CABIN1: variants seen among roughly 807,000 people sequenced by gnomAD.
The protein encoded by CABIN1 is calcineurin-binding protein cabin-1.
A neutral mutation model predicts 227.7 loss-of-function variants in CABIN1; 133 were observed. The ratio of observed to expected loss-of-function variants is 0.58; its 90% CI spans 0.51 to 0.67. The LOEUF (loss-of-function observed/expected upper bound fraction) is 0.67. CABIN1 is among the 30% of genes least tolerant of loss of function. The pLI is 0.00. For missense variants in CABIN1, 2,408 were observed against 2,852.5 expected (o/e 0.84, Z 3.55); for synonymous variants, 1,086 against 1,155.1 (o/e 0.94, Z 1.21).
At position 24,166,683 on chromosome 22, in the gene CABIN1, C is replaced by A; in HGVS notation, c.5052C>A (p.Ala1684=). 6.2e-7 allele frequency: 1 copy of A among 1,612,622 alleles called. No homozygotes were observed. The highest frequency in any genetic ancestry group is 8.5e-7 in the Non-Finnish European group (1 of 1,179,948). Residue 1684 remains alanine (A), a synonymous_variant, in exon 32 of 37, where the codon GCC becomes GCA. Coordinates refer to ENST00000263119, the MANE Select transcript of CABIN1 (RefSeq NM_012295.4). ...PGPKVCGLPG[A]RMTTDVSHKA... The stretch of plus-strand genomic sequence containing the variant: ...CCAAGGTCTGTGGCCTCCCCGGAGC[C>A]AGGATGACCACCGATGTCTCACACA...
At position 24,064,207 on chromosome 22, in the gene CABIN1, T is replaced by C. The variant is rs931601452; in HGVS notation, c.2037+20T>C. The C allele has an allele frequency of 2.5e-6, 4 of 1,612,278 alleles. No individual in the cohort carries two copies. The highest frequency in any genetic ancestry group is 2.7e-5 in the African/African-American group (2 of 74,856). ...GAGGAGGTAAGTGAGAATTTTCGTT[T>C]GTTTGTTTGTTTCCTGAGATGGAGT... On this transcript the variant is annotated intron_variant, in intron 15 of 36. Coordinates refer to ENST00000263119, the MANE Select transcript of CABIN1 (RefSeq NM_012295.4).
intron 28 of CABIN1, among the ~76,000 whole-genome samples, chr22:24,121,010 G>A (rs2043379175): frequency 6.6e-6 from 1 of 152,204 alleles, no homozygotes; most frequent in Admixed American, 6.5e-5. Context: ...CACCCAGACA[G>A]AGCAAGCAGC....
chr22:24,023,157 G>A (rs907925529), intron 1 of CABIN1, among the ~76,000 whole-genome samples: 6 of 152,038 alleles, frequency 3.9e-5, no homozygotes, highest in African/African-American at 1.4e-4. Flanking sequence ...TTGTACTTTT[G>A]TATATGGCCT....
At chr22:24,057,611 AT>A (rs2038897116) in intron 10 of CABIN1, among the ~76,000 whole-genome samples, 1 of 152,216 alleles carries the variant, frequency 6.6e-6, no homozygotes, top group Admixed American at 6.5e-5. Flanking sequence ...ATGACAGTTT[AT>A]TTCAGTGGTA....
At chr22:24,052,034 CCTT>C (rs2052915389) in intron 8 of CABIN1, among the ~76,000 whole-genome samples, 1 of 152,004 alleles carries the variant, frequency 6.6e-6, no homozygotes, top group Non-Finnish European at 1.5e-5. Context: ...GGATTAGAGT[CCTT>C]CTCCCATCTG....
rs761090353 is a variant in CABIN1 at position 24,067,146 on chromosome 22, A to G, written c.2197A>G (p.Ile733Val). Residue 733 changes from isoleucine (I) to valine (V), a missense_variant, in exon 16 of 37, where the codon ATT becomes GTT. Ile to Val is a conservative substitution (Grantham distance 29). Transcript: ENST00000263119. ...CAAACACCTGGAGTTTATGACTTCC[A>G]TTCCTGAGAGGCCAGCCCAGCTGCT... is the stretch of plus-strand genomic sequence containing the variant. ...RAKHLEFMTS[I>V]PERPAQLLLL... 2 of 1,614,250 alleles carry G rather than the reference A, an allele frequency of 1.2e-6. No individual in the cohort carries two copies. The highest frequency in any genetic ancestry group is 3.3e-5 in the Admixed American group (2 of 60,030).
chr22:24,111,138 C>G (rs1265397578), intron 26 of CABIN1, among the ~76,000 whole-genome samples: 1 of 152,140 alleles, frequency 6.6e-6, no homozygotes, highest in Non-Finnish European at 1.5e-5. Flanking sequence ...GGGGTTATTT[C>G]CTGATAAAAC....
intron 28 of CABIN1, among the ~76,000 whole-genome samples, chr22:24,123,712 A>G (rs1356957785): frequency 6.6e-6 from 1 of 152,238 alleles, no homozygotes; most frequent in East Asian, 1.9e-4. Context: ...GTCACTGACT[A>G]ATGTGGAACC....
Position 24,067,059 on chromosome 22 carries a change from G to T in CABIN1, c.2110G>T (p.Asp704Tyr). The T allele has an allele frequency of 6.2e-7, 1 of 1,614,200 alleles. No individual in the cohort carries two copies. Among genetic ancestry groups the T allele is most frequent in the Non-Finnish European group, 8.5e-7 (1 of 1,180,038 alleles). Residue 704 changes from aspartate (D) to tyrosine (Y), a missense_variant, in exon 16 of 37, where the codon GAC (aspartate) becomes TAC (tyrosine). By Grantham distance (160) the Asp-to-Tyr change is radical. Transcript: ENST00000263119. ...GATTCAGCGGCTGTATGAAGCAGGC[G>T]ACTACAAGGCTGTTGTGCATCTGCT... Reference protein sequence around the residue: ...EEIQRLYEAGDYKAVVHLLRP... With the variant: ...EEIQRLYEAGYYKAVVHLLRP...
chr22:24,085,269 G>GA, intron 22 of CABIN1, 118 bp downstream of exon 22: 1 of 1,107,090 alleles, frequency 9.0e-7, no homozygotes, highest in African/African-American at 1.5e-5. Flanking sequence ...AGAGACCAGG[G>GA]AAAACGGAAT....
intron 15 of CABIN1, among the ~76,000 whole-genome samples, chr22:24,066,695 G>A (rs993718038): frequency 2.0e-5 from 3 of 152,226 alleles, no homozygotes; most frequent in Admixed American, 6.5e-5. Context: ...AGGCTGTCCA[G>A]CTATCTTGGT....
intron 16 of CABIN1, among the ~76,000 whole-genome samples, chr22:24,067,554 A>T (rs1000596151): frequency 2.0e-5 from 3 of 152,232 alleles, no homozygotes; most frequent in Non-Finnish European, 4.4e-5. Context: ...AAATATCTGT[A>T]CAGTGGAAAG....
intron 12 of CABIN1, 91 bp downstream of exon 12, chr22:24,060,232 T>C (rs1227940858): frequency 1.6e-6 from 2 of 1,235,310 alleles, no homozygotes; most frequent in African/African-American, 3.0e-5. Context: ...CTGTTGTGTT[T>C]GGCTGCATCT....
rs780947205 is a variant in CABIN1, at chr22:24,059,924, A to G, written c.1400A>G (p.Glu467Gly). Residue 467 changes from glutamate (E) to glycine (G), a missense_variant and splice_region_variant, in exon 12 of 37, where the codon GAA (glutamate) becomes GGA (glycine). Physicochemically the swap from Glu to Gly is moderately conservative, Grantham distance 98 (BLOSUM62 -2). Coordinates refer to ENST00000263119, the MANE Select transcript of CABIN1 (RefSeq NM_012295.4). ...SFDSATFMESEKQDVHEFLLE... is the reference protein window; with the variant it reads ...SFDSATFMESGKQDVHEFLLE... ...CAGGTTGTTCTTGCTCCCCGGGCAGAAAAGCAGGACGTGCATGAGTTCCTG... is the reference window on the plus strand; with the variant it reads ...CAGGTTGTTCTTGCTCCCCGGGCAGGAAAGCAGGACGTGCATGAGTTCCTG... The G allele has an allele frequency of 3.1e-6, 5 of 1,614,106 alleles. No homozygotes were observed. In the South Asian group the frequency reaches 5.5e-5, roughly 18 times the overall value.
intron 1 of CABIN1, among the ~76,000 whole-genome samples, chr22:24,030,249 G>T (rs890432661): frequency 6.6e-6 from 1 of 152,314 alleles, no homozygotes; most frequent in South Asian, 2.1e-4. Flanking sequence ...TGCATGTCCA[G>T]GGGCAGGCAG....
In CABIN1 at chr22:24,166,606, C is replaced by T. The variant is rs375068024; in HGVS notation, c.5008-33C>T. 3.8e-5 allele frequency: 62 copies of T among 1,612,324 alleles called. No homozygotes were observed. The African/African-American group carries it at 5.2e-4, about 14-fold the overall frequency. ...TGACTCATTGCAGTGGAGACACCAG[C>T]GACACAGCTTCTTACCTTTGGTTTC... is the stretch of plus-strand genomic sequence containing the variant. On this transcript the variant is annotated intron_variant, in intron 31 of 36. Coordinates refer to ENST00000263119, the MANE Select transcript of CABIN1 (RefSeq NM_012295.4).
chr22:24,158,036 C>G (rs527663670), intron 29 of CABIN1, among the ~76,000 whole-genome samples: 1 of 152,358 alleles, frequency 6.6e-6, no homozygotes, highest in Admixed American at 6.5e-5. Flanking sequence ...TCGCCTGTTC[C>G]GAGCACTGAG....
chr22:24,085,197 G>A, intron 22 of CABIN1, 46 bp downstream of exon 22: 3 of 1,609,900 alleles, frequency 1.9e-6, no homozygotes, highest in Non-Finnish European at 2.5e-6. Context: ...GGGATGACTG[G>A]GGTGACTCCA....
At chr22:24,045,553 A>T (rs117255013) in intron 6 of CABIN1, among the ~76,000 whole-genome samples, 2,585 of 151,506 alleles carry the variant, frequency 0.017, 84 homozygotes, top group East Asian at 0.14. Flanking sequence ...GGTTACAATG[A>T]GCCATGATTG....
Sources: gnomAD v4.1 joint callset for allele counts (sites outside exome capture counted in the v4.1 genomes callset) on GRCh38, gnomAD v4.1.1 for gene constraint, MANE v1.5 for transcripts, NCBI Gene and HGNC (gene_info 2026-07-23, HGNC 2026-07-21) for gene names.